TIAM2: variants seen among roughly 807,000 people sequenced by gnomAD.
TIAM2 encodes TIAM Rac1 associated GEF 2, also known as rho guanine nucleotide exchange factor TIAM2.
Under a neutral mutation model 152.9 loss-of-function variants are expected in TIAM2, and 80 were observed. The ratio of observed to expected loss-of-function variants is 0.52; its 90% CI spans 0.44 to 0.63. The LOEUF (loss-of-function observed/expected upper bound fraction) is 0.63, where lower values mean the gene tolerates loss of function less well. TIAM2 is among the 30% of genes least tolerant of loss of function. The pLI, the probability that TIAM2 is intolerant of heterozygous loss-of-function variation, is 0.00. For synonymous variants in TIAM2, 804 were observed against 838.0 expected, an observed-to-expected ratio of 0.96 and a Z score of 0.70; for missense variants, 1,965 against 2,120.1, an observed-to-expected ratio of 0.93 and a Z score of 1.44.
chr6:155,033,508 A>G (rs1776861404), intron 1 of TIAM2, among the ~76,000 whole-genome samples: 1 of 152,170 alleles, frequency 6.6e-6, no homozygotes, highest in Non-Finnish European at 1.5e-5. Flanking sequence ...TCGCAGGTTT[A>G]AAGATAAAAC....
chr6:155,093,408 T>C (rs1321826158), intron 2 of TIAM2, among the ~76,000 whole-genome samples: 2 of 152,190 alleles, frequency 1.3e-5, no homozygotes, highest in African/African-American at 4.8e-5. Flanking sequence ...AAGGGCGTCC[T>C]GTACATGATG....
chr6:155,029,078 C>G (rs1047709096), intron 1 of TIAM2, among the ~76,000 whole-genome samples: 25 of 45,608 alleles, frequency 5.5e-4, no homozygotes, highest in African/African-American at 3.4e-3. Flanking sequence ...ACTATATATA[C>G]TGTTATATAT....
chr6:155,191,809 CAAAA>C (rs58358573), intron 14 of TIAM2, among the ~76,000 whole-genome samples: 3 of 147,972 alleles, frequency 2.0e-5, no homozygotes, highest in Non-Finnish European at 3.0e-5. Context: ...AAAACAACAA[CAAAA>C]AAAAAAAATT....
At chr6:155,105,831 A>T (rs978420254) in intron 2 of TIAM2, among the ~76,000 whole-genome samples, 1 of 152,176 alleles carries the variant, frequency 6.6e-6, no homozygotes. Context: ...GTGTATTCAC[A>T]TACTTAGAAT....
intron 14 of TIAM2, among the ~76,000 whole-genome samples, chr6:155,205,661 C>A (rs1423815228): frequency 6.6e-6 from 1 of 152,148 alleles, no homozygotes; most frequent in Non-Finnish European, 1.5e-5. Context: ...TACGTAGCTG[C>A]CTGAGGAGAG....
intron 7 of TIAM2, among the ~76,000 whole-genome samples, chr6:155,158,231 A>T (rs922073312): frequency 3.3e-5 from 5 of 150,624 alleles, no homozygotes; most frequent in South Asian, 2.1e-4. Flanking sequence ...GTCATCTTTT[A>T]AAAAAAAATC....
intron 9 of TIAM2, 149 bp downstream of exon 9, chr6:155,165,558 G>A: frequency 1.7e-6 from 2 of 1,145,376 alleles, no homozygotes; most frequent in South Asian, 3.3e-5. Context: ...CTAGCACACT[G>A]GGAGGGCAAG....
At chr6:155,033,649 GT>G (rs1454691048) in intron 1 of TIAM2, among the ~76,000 whole-genome samples, 1 of 151,678 alleles carries the variant, frequency 6.6e-6, no homozygotes, top group Non-Finnish European at 1.5e-5. Context: ...CGCCCTGCCT[GT>G]TTCCTAGAAG....
At chr6:155,052,773 CA>C (rs10545743) in intron 1 of TIAM2, among the ~76,000 whole-genome samples, 5,197 of 116,926 alleles carry the variant, frequency 0.044, 217 homozygotes, top group East Asian at 0.31. Context: ...AACTCCATCT[CA>C]AAAAAAAAAA....
In TIAM2 at chr6:155,057,017, CTTTTTTTTTTTTTTTTT is replaced by C. The variant is rs71023612; in HGVS notation, c.-208-33259_-208-33243del. Reference sequence around the variant, plus strand: ...AGTAGAATGTTCCTCAGTTTTCTTTCTTTTTTTTTTTTTTTTTTTTTTTTTTTTTGAGATAGGGTCTT... The same window carrying C: ...AGTAGAATGTTCCTCAGTTTTCTTTCTTTTTTTTTTTTGAGATAGGGTCTT... On this transcript the variant is annotated intron_variant, in intron 1 of 26. Transcript: ENST00000682666. Among the ~76,000 whole-genome samples the C allele has an allele frequency of 9.1e-5, 4 of 43,868 alleles. No individual in the cohort carries two copies. The South Asian group carries it at 4.0e-3, about 44-fold the overall frequency. The allele number at this position is 43,868 out of a possible 152,430, so 28.8% of individuals were successfully genotyped here.
chr6:155,141,550 C>T (rs1024238528), intron 5 of TIAM2, among the ~76,000 whole-genome samples: 1 of 152,102 alleles, frequency 6.6e-6, no homozygotes, highest in Non-Finnish European at 1.5e-5. Flanking sequence ...ATATGAGGGA[C>T]GTACATGTTT....
chr6:155,195,786 C>T (rs1781328951), intron 14 of TIAM2, among the ~76,000 whole-genome samples: 1 of 152,140 alleles, frequency 6.6e-6, no homozygotes, highest in Non-Finnish European at 1.5e-5. Flanking sequence ...GGGATGGGGC[C>T]ACGTGGCCGT....
chr6:155,045,005 T>C (rs909875569), intron 1 of TIAM2, among the ~76,000 whole-genome samples: 2 of 151,962 alleles, frequency 1.3e-5, no homozygotes, highest in Non-Finnish European at 2.9e-5. Flanking sequence ...TTAAATTTCT[T>C]TTTTTCTTTT....
rs549016271 is a variant in TIAM2, at chr6:155,218,813, C to T, written c.3168+7506C>T. Among the ~76,000 whole-genome samples the T allele has an allele frequency of 9.9e-5, 15 of 151,986 alleles. No homozygotes were observed. The highest frequency in any genetic ancestry group is 7.8e-4 in the East Asian group (4 of 5,156). On this transcript the variant is annotated intron_variant, in intron 15 of 26. Coordinates refer to ENST00000682666, the MANE Select transcript of TIAM2 (RefSeq NM_012454.4). This position sits in a 1 kb window ranked among gnomAD's most constrained non-coding sequence, Gnocchi z 4.5. ...GCTTTGACCATCTCAGCTGCCCACC[C>T]GTGTTCTTGACCATCTCAGCCATCC...
intron 15 of TIAM2, among the ~76,000 whole-genome samples, chr6:155,226,410 C>A (rs941424757): frequency 5.3e-5 from 8 of 152,206 alleles, no homozygotes; most frequent in African/African-American, 1.9e-4. Flanking sequence ...TGGCTCACGC[C>A]TGTAATCCCA....
At chr6:155,043,654 AAAAGG>A (rs1343400594) in intron 1 of TIAM2, among the ~76,000 whole-genome samples, 72 of 150,966 alleles carry the variant, frequency 4.8e-4, no homozygotes, top group Middle Eastern at 3.4e-3. Context: ...AAAAAAAAAA[AAAAGG>A]ATCTGTAAGG....
chr6:155,074,568 G>A (rs934545195), intron 1 of TIAM2, among the ~76,000 whole-genome samples: 3 of 152,020 alleles, frequency 2.0e-5, no homozygotes, highest in Non-Finnish European at 4.4e-5. Context: ...GGTGGGTCTC[G>A]AACTCCTGAC....
intron 5 of TIAM2, among the ~76,000 whole-genome samples, chr6:155,143,114 G>T (rs1779748573): frequency 6.6e-6 from 1 of 152,200 alleles, no homozygotes; most frequent in African/African-American, 2.4e-5. Flanking sequence ...AAAGGCACTT[G>T]CGAAGCACCC....
At chr6:155,122,307 G>A (rs1018463688) in intron 2 of TIAM2, among the ~76,000 whole-genome samples, 1 of 152,026 alleles carries the variant, frequency 6.6e-6, no homozygotes, top group Non-Finnish European at 1.5e-5. Flanking sequence ...GGACTGGGAG[G>A]GAATGCAGAA....
Sources: allele counts gnomAD v4.1 joint callset (sites outside exome capture counted in the v4.1 genomes callset), GRCh38; gene constraint gnomAD v4.1.1; non-coding constraint Gnocchi (gnomAD v3.1); transcripts MANE v1.5; gene names NCBI Gene and HGNC (gene_info 2026-07-23, HGNC 2026-07-21).